The following LCOR variants were observed in gnomAD, a reference collection of about 807,000 sequenced individuals.
The protein encoded by LCOR is ligand dependent nuclear receptor corepressor.
A neutral mutation model predicts 64.4 loss-of-function variants in LCOR; 14 were observed. The ratio of observed to expected loss-of-function variants is 0.22; its 90% CI spans 0.14 to 0.34. The LOEUF (loss-of-function observed/expected upper bound fraction) is 0.34, where lower values mean the gene tolerates loss of function less well. LCOR is among the 10% of genes least tolerant of loss of function. The pLI is 1.00. For synonymous variants in LCOR, 643 were observed against 642.5 expected (o/e 1.00, Z -0.01); for missense variants, 1,686 against 1,765.3 (o/e 0.96, Z 0.80).
intron 2 of LCOR, among the ~76,000 whole-genome samples, chr10:96,872,084 T>C (rs1345889159): frequency 6.6e-6 from 1 of 152,198 alleles, no homozygotes; most frequent in African/African-American, 2.4e-5. Flanking sequence ...GTTCCTAAAA[T>C]ACTAGCCCTG....
intron 2 of LCOR, among the ~76,000 whole-genome samples, chr10:96,868,760 A>G (rs1846021129): frequency 6.6e-6 from 1 of 152,174 alleles, no homozygotes; most frequent in South Asian, 2.1e-4. Flanking sequence ...TAACCATTTC[A>G]TTATTGTCCA....
chr10:96,964,803 T>C (rs1046398848), intron 7 of LCOR, among the ~76,000 whole-genome samples: 1 of 152,182 alleles, frequency 6.6e-6, no homozygotes, highest in Non-Finnish European at 1.5e-5. Flanking sequence ...TATAATTTTC[T>C]TAAGAGTATA....
At chr10:96,925,801 T>C (rs1427492188) in intron 4 of LCOR, among the ~76,000 whole-genome samples, 2 of 152,214 alleles carry the variant, frequency 1.3e-5, no homozygotes, top group Non-Finnish European at 1.5e-5. Flanking sequence ...TGATAGTTTC[T>C]TGCCTAAATC....
chr10:96,928,347 G>C (rs1847202647), intron 4 of LCOR, among the ~76,000 whole-genome samples: 1 of 151,976 alleles, frequency 6.6e-6, no homozygotes, highest in Non-Finnish European at 1.5e-5. Context: ...TCTTCACCAG[G>C]AGTAGATTCC....
At chr10:96,894,037 T>G (rs1226383245) in intron 2 of LCOR, among the ~76,000 whole-genome samples, 1 of 152,182 alleles carries the variant, frequency 6.6e-6, no homozygotes, top group African/African-American at 2.4e-5. Context: ...AAGGGACTTT[T>G]GAACTATGGC....
In LCOR at chr10:96,991,699, G is replaced by A. The variant is rs1358119172; in HGVS notation, c.*6565G>A. On this transcript the variant is annotated 3_prime_UTR_variant, in exon 8 of 8. Coordinates refer to ENST00000421806, the MANE Select transcript of LCOR (RefSeq NM_001346516.2). ...CTCTTAAAAATACCAGCATGTCTGT[G>A]GCATCTTGTCAGGACACCGGCAGCT... The A allele has an allele frequency of 6.6e-6, 1 of 152,222 alleles. No homozygotes were observed. The highest frequency in any genetic ancestry group is 1.5e-5 in the Non-Finnish European group (1 of 68,050). The allele number at this position is 152,222 out of a possible 1,614,324, so 9.4% of individuals were successfully genotyped here.
chr10:96,922,893 T>TA (rs2134476801), intron 4 of LCOR, among the ~76,000 whole-genome samples: 1 of 152,324 alleles, frequency 6.6e-6, no homozygotes, highest in South Asian at 2.1e-4. Context: ...GAATGCCGTA[T>TA]TTAACTCTTC....
rs188649409 is a variant in LCOR, at chr10:96,889,414, T to C, written c.-329-17851T>C. Among the ~76,000 whole-genome samples, 263 of 152,318 alleles carry C rather than the reference T, an allele frequency of 1.7e-3. 1 individual carries two copies. Among genetic ancestry groups the C allele is most frequent in the African/African-American group, 4.8e-3 (199 of 41,566 alleles). ...TAGTTCTGAAGGCTGGAAGTACAGA[T>C]CAAGGTCCGGCAGTGTTGGTTTCTG... is the stretch of plus-strand genomic sequence containing the variant. On this transcript the variant is annotated intron_variant, in intron 2 of 7. Coordinates refer to ENST00000421806, the MANE Select transcript of LCOR (RefSeq NM_001346516.2).
Position 96,984,533 on chromosome 10 carries a change from A to T in LCOR, c.4073A>T (p.Lys1358Met). The T allele has an allele frequency of 6.2e-7, 1 of 1,614,216 alleles. No homozygotes were observed. Among genetic ancestry groups the T allele is most frequent in the Non-Finnish European group, 8.5e-7 (1 of 1,180,046 alleles). Reference protein sequence around the residue: ...SVCINPLMSPKLALQVDADGF... With the variant: ...SVCINPLMSPMLALQVDADGF... ...TGCATCAACCCTCTGATGTCCCCCA[A>T]GCTTGCCCTGCAAGTGGATGCAGAT... Residue 1358 changes from lysine to methionine, a missense_variant, in exon 8 of 8, where the codon AAG becomes ATG. By Grantham distance (95) the Lys-to-Met change is moderately conservative. Coordinates refer to ENST00000421806, the MANE Select transcript of LCOR (RefSeq NM_001346516.2).
rs1274291456 is a variant in LCOR, at chr10:96,983,113, A to G, written c.2653A>G (p.Lys885Glu). 1 of 1,613,586 alleles carries G rather than the reference A, an allele frequency of 6.2e-7. No individual in the cohort carries two copies. Among genetic ancestry groups the G allele is most frequent in the Non-Finnish European group, 8.5e-7 (1 of 1,179,570 alleles). The change falls in exon 8 of 8, where the codon AAG becomes GAG. Residue 885 changes from lysine to glutamate, a missense_variant. This residue lies in a region of LCOR where 1,293 missense variants were observed against 1,410.4 expected (regional missense o/e 0.92). Transcript: ENST00000421806. The surrounding 1 kb of genome is among the most constrained non-coding windows in gnomAD (Gnocchi z 4.5). ...FHTETLEDTE[K>E]PSVNERPSEK... ...CACGGAAACTCTGGAGGACACAGAA[A>G]AGCCAAGTGTCAATGAACGCCCCTC...
intron 2 of LCOR, 47 bp downstream of exon 2, chr10:96,833,526 C>A: frequency 1.2e-6 from 1 of 802,652 alleles, no homozygotes; most frequent in Non-Finnish European, 1.5e-6. Context: ...GCCCCCTAGC[C>A]CCAGTCCATC....
chr10:96,939,099 A>G (rs932234734), intron 4 of LCOR, among the ~76,000 whole-genome samples: 4 of 152,234 alleles, frequency 2.6e-5, no homozygotes, highest in Non-Finnish European at 5.9e-5. Context: ...ACACTTTACC[A>G]ATTTCAAAAC....
chr10:96,833,265 C>G (rs1210436224), intron 1 of LCOR, 141 bp from the exon 2 acceptor site: 1 of 955,632 alleles, frequency 1.0e-6, no homozygotes, highest in South Asian at 4.8e-5. Flanking sequence ...GTCCGCCCCC[C>G]GCCTCCCGGA....
At chr10:96,928,794 A>G (rs1233110702) in intron 4 of LCOR, among the ~76,000 whole-genome samples, 1 of 152,202 alleles carries the variant, frequency 6.6e-6, no homozygotes, top group Non-Finnish European at 1.5e-5. Flanking sequence ...ACAAGACTTG[A>G]AAGTCAGTAT....
chr10:96,871,642 C>CT (rs1846074334), intron 2 of LCOR, among the ~76,000 whole-genome samples: 1 of 151,150 alleles, frequency 6.6e-6, no homozygotes. Context: ...TCAGGCTAGT[C>CT]TTGAACTCTT....
intron 4 of LCOR, among the ~76,000 whole-genome samples, chr10:96,943,861 T>C (rs1847541404): frequency 6.6e-6 from 1 of 152,176 alleles, no homozygotes; most frequent in Non-Finnish European, 1.5e-5. Flanking sequence ...CTCTGGCAGT[T>C]AAAGTTTAGT....
chr10:96,968,055 GTTT>G (rs764639379), intron 7 of LCOR, among the ~76,000 whole-genome samples: 1 of 151,906 alleles, frequency 6.6e-6, no homozygotes, highest in Non-Finnish European at 1.5e-5. Flanking sequence ...AGTTTTTTGG[GTTT>G]TTTATTATGG....
rs565388968 is a variant in LCOR, at chr10:96,862,266, G to T, written c.-330+28787G>T. Among the ~76,000 whole-genome samples, 54 of 151,948 alleles carry T rather than the reference G, an allele frequency of 3.6e-4. 1 individual carries two copies. Among genetic ancestry groups the T allele is most frequent in the Admixed American group, 2.9e-3 (44 of 15,274 alleles). On this transcript the variant is annotated intron_variant, in intron 2 of 7. Coordinates refer to ENST00000421806, the MANE Select transcript of LCOR (RefSeq NM_001346516.2). ...ATGGGAGGCTTCGTTACATAGACAT[G>T]ATTTTTTTTTCTTTTCTTTGTTTTT... is the stretch of plus-strand genomic sequence containing the variant.
chr10:96,967,670 C>T lies in LCOR; in HGVS notation c.333-13123C>T, dbSNP rs547607616. 1.6e-4 allele frequency among the ~76,000 whole-genome samples: 25 copies of T among 152,100 alleles called. 1 individual carries two copies. The highest frequency in any genetic ancestry group is 8.3e-4 in the South Asian group (4 of 4,820). On this transcript the variant is annotated intron_variant, in intron 7 of 7. Coordinates refer to ENST00000421806, the MANE Select transcript of LCOR (RefSeq NM_001346516.2). ...AGAAACTCTTTATTGAATAAGGTCT[C>T]GTAAACCCAGGTCTCACCTTTGCAT...
Sources: allele counts gnomAD v4.1 joint callset (sites outside exome capture counted in the v4.1 genomes callset), GRCh38; gene constraint gnomAD v4.1.1; regional missense constraint gnomAD v4.1.1; non-coding constraint Gnocchi (gnomAD v3.1); transcripts MANE v1.5; gene names NCBI Gene and HGNC (gene_info 2026-07-23, HGNC 2026-07-21).